ADGRE2: variants seen among roughly 807,000 people sequenced by gnomAD.
The protein encoded by ADGRE2 is adhesion G protein-coupled receptor E2.
ADGRE2 carries 83 observed loss-of-function variants against 100.8 expected under a neutral mutation model. That is an observed-to-expected ratio of 0.82 (90% CI 0.69 to 0.99). The LOEUF (loss-of-function observed/expected upper bound fraction) is 0.99, where lower values mean the gene tolerates loss of function less well. Ranked by LOEUF, ADGRE2 falls within the 50% of genes least tolerant of loss-of-function variation. ADGRE2 has a pLI of 0.00. For synonymous variants in ADGRE2, 355 were observed against 413.0 expected (o/e 0.86, Z 1.70); for missense variants, 814 against 1,035.7 (o/e 0.79, Z 2.94).
intron 11 of ADGRE2, among the ~76,000 whole-genome samples, chr19:14,762,488 G>C (rs890578543): frequency 1.3e-5 from 2 of 152,212 alleles, no homozygotes; most frequent in East Asian, 1.9e-4. Flanking sequence ...TGGAGGAAGG[G>C]AGGAATGAGG....
Position 14,765,307 on chromosome 19 carries a change from G to A in ADGRE2, c.906+13C>T, listed in dbSNP as rs73926672. The A allele has an allele frequency of 2.6e-4, 417 of 1,614,034 alleles. 1 individual carries two copies. In the African/African-American group the frequency reaches 4.9e-3, roughly 19 times the overall value. ...TTCCTGCCTCGCCCCCTTGCCCTGG[G>A]TCCTGTCCTTACCTGGATGGTGTTA... On this transcript the variant is annotated intron_variant, in intron 10 of 20. Transcript: ENST00000315576.
the ADGRE2 span, among the ~76,000 whole-genome samples, chr19:14,727,000 TG>T: frequency 6.7e-6 from 1 of 150,242 alleles, no homozygotes; most frequent in Non-Finnish European, 1.5e-5. Context: ...TACCTGAGGC[TG>T]GGTAATTTAT....
intron 15 of ADGRE2, among the ~76,000 whole-genome samples, chr19:14,751,929 ATATTTTTT>A (rs760243516): frequency 7.2e-4 from 60 of 83,756 alleles, no homozygotes; most frequent in African/African-American, 3.5e-3. Flanking sequence ...ATATATATAT[ATATTTTTT>A]TTTTTTTTTT....
chr19:14,765,261 C>A, intron 10 of ADGRE2, 59 bp downstream of exon 10: 1 of 1,594,176 alleles, frequency 6.3e-7, no homozygotes, highest in Non-Finnish European at 8.6e-7. Flanking sequence ...CTGCCCCAGG[C>A]CTCTGTGGGA....
intron 10 of ADGRE2, 88 bp from the exon 11 acceptor site, chr19:14,764,698 C>A (rs2043885723): frequency 1.3e-5 from 18 of 1,345,920 alleles, no homozygotes; most frequent in Non-Finnish European, 1.5e-5. Flanking sequence ...GGAACAGATC[C>A]TAGAGACTGT....
Position 14,735,665 on chromosome 19 carries a change from G to A in ADGRE2, c.*571C>T, listed in dbSNP as rs1285452513. ...GCTTCTGAGTCAACTCTAGCTGCAA[G>A]AGCCACTTCATTTTCCCCTAAAAGC... On this transcript the variant is annotated 3_prime_UTR_variant, in exon 21 of 21. Transcript: ENST00000315576. 1 of 152,226 alleles carries A rather than the reference G, an allele frequency of 6.6e-6. No individual in the cohort carries two copies. The highest frequency in any genetic ancestry group is 1.5e-5 in the Non-Finnish European group (1 of 68,046). 9.4% of individuals were successfully genotyped at this position (152,226 alleles called of 1,614,324 possible). A position where few individuals can be genotyped will look rare whatever the true frequency, so the allele number is the denominator to read the frequency against.
chr19:14,765,845 G>A lies in ADGRE2; in HGVS notation c.635-41C>T, dbSNP rs1378738602. 37 of 1,611,722 alleles carry A rather than the reference G, an allele frequency of 2.3e-5. No homozygotes were observed. In the African/African-American group the frequency reaches 4.1e-4, roughly 18 times the overall value. On this transcript the variant is annotated intron_variant, in intron 7 of 20. Coordinates refer to ENST00000315576, the MANE Select transcript of ADGRE2 (RefSeq NM_013447.4). The stretch of plus-strand genomic sequence containing the variant: ...AGGGGGTCAGGTCCTGTCCCAGCCT[G>A]GAGAGGGTCCTGTCTCCTGTCTGTG...
rs189597455 is a variant in ADGRE2, at chr19:14,762,225, C to A, written c.1084+2208G>T. Among the ~76,000 whole-genome samples the A allele has an allele frequency of 5.0e-4, 75 of 149,308 alleles. 1 individual carries two copies. In the East Asian group the frequency reaches 8.9e-3, roughly 18 times the overall value. On this transcript the variant is annotated intron_variant, in intron 11 of 20. Coordinates refer to ENST00000315576, the MANE Select transcript of ADGRE2 (RefSeq NM_013447.4). ...TTTGTCAACAGCCAAAAGGTGGAAA[C>A]AACCCAAATGTCCATCAATGGATGG...
chr19:14,724,886 AT>A, the ADGRE2 span, among the ~76,000 whole-genome samples: 1 of 152,236 alleles, frequency 6.6e-6, no homozygotes, highest in African/African-American at 2.4e-5. Flanking sequence ...TTGGTGCTGT[AT>A]TTAATGCTAT....
At chr19:14,774,607 C>A (rs2044349803) in intron 2 of ADGRE2, among the ~76,000 whole-genome samples, 1 of 151,026 alleles carries the variant, frequency 6.6e-6, no homozygotes, top group Non-Finnish European at 1.5e-5. Flanking sequence ...TTCCTAGGCT[C>A]AAGCGATCCC....
the ADGRE2 span, among the ~76,000 whole-genome samples, chr19:14,727,263 T>C: frequency 5.3e-5 from 8 of 152,180 alleles, no homozygotes; most frequent in South Asian, 2.1e-4. Context: ...CTCCTGACCT[T>C]GTGATCCGCC....
chr19:14,768,465 T>C (rs1845046876), intron 5 of ADGRE2, among the ~76,000 whole-genome samples: 1 of 152,202 alleles, frequency 6.6e-6, no homozygotes, highest in Non-Finnish European at 1.5e-5. Flanking sequence ...CAGATGCTGA[T>C]GGGCAAAGAT....
rs181892002 is a variant in ADGRE2, at chr19:14,736,024, G to C, written c.*212C>G. The C allele has an allele frequency of 4.6e-5, 24 of 525,972 alleles. No homozygotes were observed. Among genetic ancestry groups the C allele is most frequent in the African/African-American group, 4.3e-4 (22 of 51,482 alleles). 32.6% of individuals were successfully genotyped at this position (525,972 alleles called of 1,614,324 possible). A position where few individuals can be genotyped will look rare whatever the true frequency, so the allele number is the denominator to read the frequency against. The stretch of plus-strand genomic sequence containing the variant: ...CCACAGCTGGCCGTCCATATGCTGA[G>C]AGTTTGATGAGCACATTGCAGGGCA... On this transcript the variant is annotated 3_prime_UTR_variant, in exon 21 of 21. Coordinates refer to ENST00000315576, the MANE Select transcript of ADGRE2 (RefSeq NM_013447.4).
chr19:14,741,111 TGGC>T lies in ADGRE2; in HGVS notation c.2463+2306_2463+2308del, dbSNP rs1163767038. Among the ~76,000 whole-genome samples, 10 of 85,074 alleles carry T rather than the reference TGGC, an allele frequency of 1.2e-4. 1 individual carries two copies. Among genetic ancestry groups the T allele is most frequent in the Middle Eastern group, 6.3e-3 (1 of 158 alleles). 55.8% of individuals were successfully genotyped at this position (85,074 alleles called of 152,430 possible). A position where few individuals can be genotyped will look rare whatever the true frequency, so the allele number is the denominator to read the frequency against. ...AGGCTGTTTTTTTTTTTTTTTTTTTTGGCAGAGTATTGCTGTGTTGCCCAGGGT... is the reference window on the plus strand; with the variant it reads ...AGGCTGTTTTTTTTTTTTTTTTTTTTAGAGTATTGCTGTGTTGCCCAGGGT... On this transcript the variant is annotated intron_variant, in intron 20 of 20. Transcript: ENST00000315576.
intron 10 of ADGRE2, 24 bp downstream of exon 10, chr19:14,765,296 C>T: frequency 6.2e-7 from 1 of 1,613,940 alleles, no homozygotes; most frequent in Non-Finnish European, 8.5e-7. Context: ...TGCCTCGCCC[C>T]CTTGCCCTGG....
At chr19:14,774,404 T>C (rs1313383490) in intron 2 of ADGRE2, 98 bp from the exon 3 acceptor site, 1 of 1,506,842 alleles carries the variant, frequency 6.6e-7, no homozygotes, top group Non-Finnish European at 9.0e-7. Flanking sequence ...CTGACCCCTC[T>C]CAGGCTCAGA....
Position 14,751,463 on chromosome 19 carries a change from C to T in ADGRE2, c.1997G>A (p.Arg666Lys), listed in dbSNP as rs1469505911. Residue 666 changes from arginine to lysine, a missense_variant, in exon 16 of 21, where the codon AGG (arginine) becomes AAG (lysine). By Grantham distance (26) the Arg-to-Lys change is conservative. Around this residue, in one of 5 missense-constraint regions of ADGRE2, gnomAD observed 569 missense variants for 692.7 expected, o/e 0.82. Coordinates refer to ENST00000315576, the MANE Select transcript of ADGRE2 (RefSeq NM_013447.4). ...AVTVAISAASRPHLYGTPSRC... is the reference protein window; with the variant it reads ...AVTVAISAASKPHLYGTPSRC... ...GGAAGGTGTTCCATAAAGGTGAGGCCTGGAGGCTGCAGAAATGGCCACTGT... is the reference window on the plus strand; with the variant it reads ...GGAAGGTGTTCCATAAAGGTGAGGCTTGGAGGCTGCAGAAATGGCCACTGT... 6.8e-6 allele frequency: 11 copies of T among 1,613,926 alleles called. No homozygotes were observed. In the Admixed American group the frequency reaches 1.2e-4, roughly 17 times the overall value.
intron 20 of ADGRE2, chr19:14,741,919 C>T: frequency 2.5e-6 from 1 of 398,202 alleles, no homozygotes; most frequent in Non-Finnish European, 4.4e-6. Flanking sequence ...TGTATGTCTA[C>T]ATTAATAAAT....
chr19:14,725,622 G>A, the ADGRE2 span, among the ~76,000 whole-genome samples: 1 of 152,208 alleles, frequency 6.6e-6, no homozygotes, highest in African/African-American at 2.4e-5. Flanking sequence ...GGGAGACACA[G>A]GCCAAAAGAA....
Sources: gnomAD v4.1 joint callset for allele counts (sites outside exome capture counted in the v4.1 genomes callset) on GRCh38, gnomAD v4.1.1 for gene constraint, gnomAD v4.1.1 regional missense constraint, MANE v1.5 for transcripts, NCBI Gene and HGNC (gene_info 2026-07-23, HGNC 2026-07-21) for gene names.